The following NOL4 variants were observed in gnomAD, a reference collection of about 807,000 sequenced individuals.
The protein encoded by NOL4 is nucleolar protein 4.
NOL4 carries 17 observed loss-of-function variants against 75.9 expected under a neutral mutation model. The ratio of observed to expected loss-of-function variants is 0.22; its 90% confidence interval spans 0.15 to 0.34. The LOEUF is 0.34. NOL4 is among the 10% of genes least tolerant of loss of function. The pLI is 1.00. For missense variants in NOL4, 614 were observed against 793.5 expected (o/e 0.77, Z 2.72); for synonymous variants, 292 against 289.9 (o/e 1.01, Z -0.07).
At chr18:33,925,414 G>T (rs1052279632) in intron 9 of NOL4, among the ~76,000 whole-genome samples, 1 of 152,090 alleles carries the variant, frequency 6.6e-6, no homozygotes, top group East Asian at 1.9e-4. Context: ...TCTGTAAAAA[G>T]ATTTAAAGAA....
At chr18:33,873,456 T>C (rs2063790313) in intron 10 of NOL4, among the ~76,000 whole-genome samples, 1 of 151,954 alleles carries the variant, frequency 6.6e-6, no homozygotes. Flanking sequence ...GGTTTAAGCT[T>C]AATAGATTTC....
intron 9 of NOL4, among the ~76,000 whole-genome samples, chr18:33,896,899 A>G (rs1321039348): frequency 6.6e-6 from 1 of 152,194 alleles, no homozygotes. Context: ...TCCAGCATCT[A>G]TAAGGAACTT....
chr18:34,121,277 G>A (rs72959399), intron 2 of NOL4: 2 of 152,110 alleles, frequency 1.3e-5, no homozygotes, highest in African/African-American at 4.8e-5. Context: ...TTTTCCTGAA[G>A]AGTATGTGTA....
chr18:34,097,618 C>A (rs756114224), intron 4 of NOL4, among the ~76,000 whole-genome samples: 1 of 152,080 alleles, frequency 6.6e-6, no homozygotes, highest in Non-Finnish European at 1.5e-5. Context: ...GACTTAAGAC[C>A]TGAATTTTTA....
At chr18:33,921,877 T>G (rs1186635940) in intron 9 of NOL4, among the ~76,000 whole-genome samples, 1 of 152,186 alleles carries the variant, frequency 6.6e-6, no homozygotes, top group African/African-American at 2.4e-5. Flanking sequence ...AGTAACTGTA[T>G]CTGATCCTCC....
rs1252449984 is a variant in NOL4 at position 34,137,688 on chromosome 18, GC to G, written c.265-7669del. Among the ~76,000 whole-genome samples, 4 of 151,566 alleles carry G rather than the reference GC, an allele frequency of 2.6e-5. No homozygotes were observed. In the East Asian group the frequency reaches 7.7e-4, roughly 29 times the overall value. ...ATTGCTGGTGGGAATGCAAAATAAT[GC>G]AGTTGCTTTGAAAACAGACTGGCAG... On this transcript the variant is annotated intron_variant, in intron 1 of 10. Transcript: ENST00000261592.
At chr18:34,154,542 C>T (rs2029980363) in intron 1 of NOL4, among the ~76,000 whole-genome samples, 1 of 151,836 alleles carries the variant, frequency 6.6e-6, no homozygotes, top group African/African-American at 2.4e-5. Context: ...CATAGTATTG[C>T]ATAGTAAAAT....
chr18:34,138,687 G>T (rs1473243847), intron 1 of NOL4, among the ~76,000 whole-genome samples: 2 of 152,052 alleles, frequency 1.3e-5, no homozygotes, highest in Non-Finnish European at 2.9e-5. Flanking sequence ...CTGCCTGATT[G>T]CCCTGGCCAG....
chr18:34,195,758 T>A (rs975479494), intron 1 of NOL4, among the ~76,000 whole-genome samples: 4 of 152,178 alleles, frequency 2.6e-5, no homozygotes, highest in African/African-American at 9.7e-5. Flanking sequence ...TTATTTTCCA[T>A]TGCAATGATG....
At chr18:34,162,571 G>A (rs1036635450) in intron 1 of NOL4, among the ~76,000 whole-genome samples, 2 of 152,102 alleles carry the variant, frequency 1.3e-5, no homozygotes, top group African/African-American at 4.8e-5. Context: ...ACCAATAACA[G>A]GCTCTGAAAT....
At chr18:34,147,022 CT>C (rs1454449115) in intron 1 of NOL4, among the ~76,000 whole-genome samples, 1 of 152,024 alleles carries the variant, frequency 6.6e-6, no homozygotes, top group African/African-American at 2.4e-5. Context: ...CTCTGTTTGT[CT>C]GTTATTGGTG....
At chr18:33,960,263 C>T (rs1424914611) in intron 6 of NOL4, among the ~76,000 whole-genome samples, 1 of 151,976 alleles carries the variant, frequency 6.6e-6, no homozygotes, top group Non-Finnish European at 1.5e-5. Flanking sequence ...AATAAAGATA[C>T]ACTATTGTAA....
At chr18:33,972,283 A>G (rs1174764860) in intron 6 of NOL4, among the ~76,000 whole-genome samples, 1 of 152,164 alleles carries the variant, frequency 6.6e-6, no homozygotes, top group Non-Finnish European at 1.5e-5. Flanking sequence ...ACAATAAAAA[A>G]AAACAAATAA....
At chr18:33,896,448 G>A (rs1234897917) in intron 9 of NOL4, among the ~76,000 whole-genome samples, 2 of 152,132 alleles carry the variant, frequency 1.3e-5, no homozygotes, top group Middle Eastern at 3.4e-3. Flanking sequence ...GACCATTGGA[G>A]CAAAATAGAG....
At chr18:34,047,162 TAA>T (rs1222871107) in intron 5 of NOL4, among the ~76,000 whole-genome samples, 1 of 152,142 alleles carries the variant, frequency 6.6e-6, no homozygotes, top group African/African-American at 2.4e-5. Flanking sequence ...CTTCTAGCAT[TAA>T]GTTTCAGGGA....
chr18:34,021,592 A>G (rs573678976), intron 5 of NOL4, among the ~76,000 whole-genome samples: 30 of 152,322 alleles, frequency 2.0e-4, no homozygotes, highest in African/African-American at 5.8e-4. Context: ...CAAATAGACT[A>G]TTCTGACTCT....
chr18:34,000,314 C>G (rs769253178), intron 6 of NOL4, among the ~76,000 whole-genome samples: 8 of 151,996 alleles, frequency 5.3e-5, no homozygotes, highest in Admixed American at 1.3e-4. Flanking sequence ...CTTCTCTTTG[C>G]AAGTATTGTA....
chr18:33,977,864 C>T (rs1049694115), intron 6 of NOL4, among the ~76,000 whole-genome samples: 6 of 152,100 alleles, frequency 3.9e-5, no homozygotes, highest in African/African-American at 9.7e-5. Context: ...AACATGTTTT[C>T]CCTGACTGGA....
chr18:34,024,785 T>C (rs1406170513), intron 5 of NOL4, among the ~76,000 whole-genome samples: 2 of 152,178 alleles, frequency 1.3e-5, no homozygotes, highest in Admixed American at 6.5e-5. Flanking sequence ...CAAACTTTAA[T>C]TGCTTTGGAA....
Sources: allele counts gnomAD v4.1 joint callset (sites outside exome capture counted in the v4.1 genomes callset), GRCh38; gene constraint gnomAD v4.1.1; transcripts MANE v1.5; gene names NCBI Gene and HGNC (gene_info 2026-07-23, HGNC 2026-07-21).